The following NHS variants were observed in gnomAD, a reference collection of about 807,000 sequenced individuals.
NHS encodes NHS actin remodeling regulator.
Under a neutral mutation model 72.5 loss-of-function variants are expected in NHS, and 5 were observed. The ratio of observed to expected loss-of-function variants is 0.07; its 90% CI spans 0.04 to 0.14. The LOEUF is 0.14. NHS is among the 10% of genes least tolerant of loss of function. NHS has a pLI of 1.00. For synonymous variants in NHS, 464 were observed against 547.7 expected, an observed-to-expected ratio of 0.85 and a Z score of 2.13; for missense variants, 1,072 against 1,355.7, an observed-to-expected ratio of 0.79 and a Z score of 3.29.
chrX:17,436,988 A>G lies in NHS; in HGVS notation c.565+60666A>G, dbSNP rs1397418353. Among the ~76,000 whole-genome samples, 3 of 112,038 alleles carry G rather than the reference A, an allele frequency of 2.7e-5. No individual in the cohort carries two copies. In the Admixed American group the frequency reaches 2.8e-4, roughly 11 times the overall value. ...CTCGGGGAAAGCTCATTACCTCAGC[A>G]GAGATGGCAGGTAGGTTTCCTATTG... On this transcript the variant is annotated intron_variant, in intron 1 of 8. Coordinates refer to ENST00000676302, the MANE Select transcript of NHS (RefSeq NM_001291867.2).
chrX:17,533,467 T>C (rs1160318505), intron 1 of NHS, among the ~76,000 whole-genome samples: 1 of 111,198 alleles, frequency 9.0e-6, no homozygotes, highest in African/African-American at 3.3e-5. Context: ...TTGTATTTTT[T>C]CTATAGAGAC....
At chrX:17,706,018 A>G (rs1205959288) in intron 3 of NHS, among the ~76,000 whole-genome samples, 2 of 110,247 alleles carry the variant, frequency 1.8e-5, no homozygotes, top group Non-Finnish European at 3.8e-5. Flanking sequence ...GCAAGACCTC[A>G]CTCTACAAAA....
chrX:17,585,738 G>GTAA (rs548692975), intron 1 of NHS, among the ~76,000 whole-genome samples: 1,677 of 101,215 alleles, frequency 0.017, 15 homozygotes, highest in East Asian at 0.032. Flanking sequence ...AAAAATAATA[G>GTAA]TAATAATAAT....
rs1489041285 is a variant in NHS at position 17,725,845 on chromosome X, G to A, written c.1739G>A (p.Gly580Glu). Residue 580 changes from glycine to glutamate, a missense_variant, in exon 7 of 9, where the codon GGA (glycine) becomes GAA (glutamate). Physicochemically the swap from Gly to Glu is moderately conservative, Grantham distance 98. Transcript: ENST00000676302. ...CCCCAGCACAAATTAAGTGAGAGGGGAAGGTCACGTCTGTCCCGAATGGCT... is the reference window on the plus strand; with the variant it reads ...CCCCAGCACAAATTAAGTGAGAGGGAAAGGTCACGTCTGTCCCGAATGGCT... Reference protein sequence around the residue: ...HSPQHKLSERGRSRLSRMAAD... With the variant: ...HSPQHKLSERERSRLSRMAAD... 1.7e-6 allele frequency: 2 copies of A among 1,211,680 alleles called. No homozygotes were observed. The highest frequency in any genetic ancestry group is 3.5e-5 in the South Asian group (2 of 56,977).
chrX:17,573,347 T>A (rs2065492193), intron 1 of NHS, among the ~76,000 whole-genome samples: 1 of 111,196 alleles, frequency 9.0e-6, no homozygotes, highest in African/African-American at 3.3e-5. Flanking sequence ...TTTCACATAG[T>A]CCAATATTTC....
Position 17,572,491 on chromosome X carries a change from C to CCTT in NHS, c.566-115251_566-115250insCTT, listed in dbSNP as rs1556011021. 2.4e-3 allele frequency among the ~76,000 whole-genome samples: 114 copies of CCTT among 46,762 alleles called. 1 individual carries two copies. Among genetic ancestry groups the CCTT allele is most frequent in the African/African-American group, 0.014 (111 of 7,664 alleles). 40.6% of individuals were successfully genotyped at this position (46,762 alleles called of 115,157 possible). ...TCAGAGACCAGGACTGCAACCCCTG[C>CCTT]TTTTTTTTTTTTTTTTTTTTTTGCT... On this transcript the variant is annotated intron_variant, in intron 1 of 8. Transcript: ENST00000676302.
In NHS at chrX:17,533,251, T is replaced by C. The variant is rs2065207366; in HGVS notation, c.566-154491T>C. On this transcript the variant is annotated intron_variant, in intron 1 of 8. Coordinates refer to ENST00000676302, the MANE Select transcript of NHS (RefSeq NM_001291867.2). Reference sequence around the variant, plus strand: ...TCTGTGTGCTTAAGTCCTTTACAGATTTTTCGGCAACCTTTTTTTGTAAGG... The same window carrying C: ...TCTGTGTGCTTAAGTCCTTTACAGACTTTTCGGCAACCTTTTTTTGTAAGG... 2.7e-5 allele frequency among the ~76,000 whole-genome samples: 3 copies of C among 111,755 alleles called. No individual in the cohort carries two copies. The Admixed American group carries it at 2.8e-4, about 11-fold the overall frequency.
chrX:17,548,358 T>C (rs1298696124), intron 1 of NHS, among the ~76,000 whole-genome samples: 2 of 110,984 alleles, frequency 1.8e-5, no homozygotes, highest in Non-Finnish European at 3.8e-5. Flanking sequence ...CAGTGCTATC[T>C]AACAGACTGC....
At chrX:17,388,158 A>G (rs1343424646) in intron 1 of NHS, among the ~76,000 whole-genome samples, 2 of 112,191 alleles carry the variant, frequency 1.8e-5, no homozygotes, top group African/African-American at 3.2e-5. Context: ...TAATCTTATT[A>G]TCCAGATTCA....
intron 1 of NHS, among the ~76,000 whole-genome samples, chrX:17,588,460 C>A (rs2065586509): frequency 8.9e-6 from 1 of 112,015 alleles, no homozygotes. Flanking sequence ...GTCAATTCTG[C>A]CTTAAAAATA....
chrX:17,668,116 C>G lies in NHS; in HGVS notation c.566-19626C>G, dbSNP rs1264255230. Among the ~76,000 whole-genome samples the G allele has an allele frequency of 2.8e-5, 3 of 106,921 alleles. No individual in the cohort carries two copies. In the East Asian group the frequency reaches 8.8e-4, roughly 31 times the overall value. The allele number at this position is 106,921 out of a possible 115,157, so 92.8% of individuals were successfully genotyped here. A position where few individuals can be genotyped will look rare whatever the true frequency, so the allele number is the denominator to read the frequency against. On this transcript the variant is annotated intron_variant, in intron 1 of 8. Coordinates refer to ENST00000676302, the MANE Select transcript of NHS (RefSeq NM_001291867.2). ...AAAAAAAAAAAAAAAAAAAAATTAG[C>G]CAGGGGTGTTGGCACACACCTATAG...
In NHS at chrX:17,712,268, TATATATATATATATATATATATACAC is replaced by T. The variant is rs200376623; in HGVS notation, c.853-7074_853-7049del. On this transcript the variant is annotated intron_variant, in intron 3 of 8. Transcript: ENST00000676302. ...TTGTGTGTGTGTATATATATATATA[TATATATATATATATATATATATACAC>T]ACACACACACACACACATATATATA... 7.8e-4 allele frequency among the ~76,000 whole-genome samples: 60 copies of T among 77,402 alleles called. No homozygotes were observed. The East Asian group carries it at 0.017, about 22-fold the overall frequency. The allele number at this position is 77,402 out of a possible 115,157, so 67.2% of individuals were successfully genotyped here. A position where few individuals can be genotyped will look rare whatever the true frequency, so the allele number is the denominator to read the frequency against.
chrX:17,725,697 G>A lies in NHS; in HGVS notation c.1591G>A (p.Gly531Arg). Reference protein sequence around the residue: ...VGAKPSAYEEGESFVGDHERT... With the variant: ...VGAKPSAYEERESFVGDHERT... ...CGCTAAACCCTCAGCATATGAAGAGGGAGAGTCTTTTGTGGGTGACCATGA... is the reference window on the plus strand; with the variant it reads ...CGCTAAACCCTCAGCATATGAAGAGAGAGAGTCTTTTGTGGGTGACCATGA... Residue 531 changes from glycine to arginine, a missense_variant, in exon 7 of 9, where the codon GGA becomes AGA. Coordinates refer to ENST00000676302, the MANE Select transcript of NHS (RefSeq NM_001291867.2). 8.3e-7 allele frequency: 1 copy of A among 1,211,328 alleles called. No individual in the cohort carries two copies. The highest frequency in any genetic ancestry group is 3.0e-5 in the East Asian group (1 of 33,810).
chrX:17,597,654 A>AT (rs1310796146), intron 1 of NHS, among the ~76,000 whole-genome samples: 65 of 110,123 alleles, frequency 5.9e-4, no homozygotes, highest in African/African-American at 1.9e-3. Flanking sequence ...ATTTGGGTTT[A>AT]TTTTTTTTCC....
chrX:17,451,743 T>G (rs1054730813), intron 1 of NHS, among the ~76,000 whole-genome samples: 1 of 112,201 alleles, frequency 8.9e-6, no homozygotes, highest in African/African-American at 3.2e-5. Context: ...TTTACCCTCT[T>G]ATATTTGTTA....
At position 17,732,000 on chromosome X, in the gene NHS, A is replaced by G. The variant is rs2147148412; in HGVS notation, c.4492A>G (p.Arg1498Gly). 2.5e-6 allele frequency: 3 copies of G among 1,211,732 alleles called. No homozygotes were observed. The highest frequency in any genetic ancestry group is 3.3e-6 in the Non-Finnish European group (3 of 895,549). Reference sequence around the variant, plus strand: ...TAATGTGACAACCCCCAACAGCCAGAGGTCTCCTGGTCTCATATACCGAAA... The same window carrying G: ...TAATGTGACAACCCCCAACAGCCAGGGGTCTCCTGGTCTCATATACCGAAA... ...SSNVTTPNSQ[R>G]SPGLIYRNAK... Residue 1498 changes from arginine to glycine, a missense_variant, in exon 9 of 9, where the codon AGG becomes GGG. Coordinates refer to ENST00000676302, the MANE Select transcript of NHS (RefSeq NM_001291867.2).
chrX:17,679,628 G>A (rs1416771896), intron 1 of NHS, among the ~76,000 whole-genome samples: 1 of 110,719 alleles, frequency 9.0e-6, no homozygotes, highest in Non-Finnish European at 1.9e-5. Context: ...AGGCTTGGAG[G>A]GTAGATAGAT....
chrX:17,385,683 C>T (rs2064403414), intron 1 of NHS, among the ~76,000 whole-genome samples: 1 of 111,704 alleles, frequency 9.0e-6, no homozygotes, highest in South Asian at 3.8e-4. Flanking sequence ...CATTTAACCA[C>T]CTTTTACCCA....
intron 3 of NHS, among the ~76,000 whole-genome samples, chrX:17,701,563 A>T (rs995729792): frequency 8.1e-5 from 9 of 111,645 alleles, no homozygotes; most frequent in Non-Finnish European, 1.7e-4. Flanking sequence ...ACCCAGAAAA[A>T]GTCCTGGGGG....
Sources: gnomAD v4.1 joint callset for allele counts (sites outside exome capture counted in the v4.1 genomes callset) on GRCh38, gnomAD v4.1.1 for gene constraint, MANE v1.5 for transcripts, NCBI Gene and HGNC (gene_info 2026-07-23, HGNC 2026-07-21) for gene names.